The following LRMDA variants were observed in gnomAD, a reference collection of about 807,000 sequenced individuals.
LRMDA encodes the protein leucine-rich melanocyte differentiation-associated protein.
In LRMDA, 18 loss-of-function variants were observed where a neutral mutation model predicts 29.8. That is an observed-to-expected ratio of 0.60 (90% CI 0.42 to 0.90). The LOEUF (loss-of-function observed/expected upper bound fraction) is 0.90, where lower values mean the gene tolerates loss of function less well. Ranked by LOEUF, LRMDA falls within the 40% of genes least tolerant of loss-of-function variation. The pLI, the probability that LRMDA is intolerant of heterozygous loss-of-function variation, is 0.00. For synonymous variants in LRMDA, 125 were observed against 109.4 expected, an observed-to-expected ratio of 1.14 and a Z score of -0.89; for missense variants, 273 against 273.9, an observed-to-expected ratio of 1.00 and a Z score of 0.02.
Position 76,264,886 on chromosome 10 carries a change from C to T in LRMDA, c.517-59515C>T, listed in dbSNP as rs544947936. 2.6e-5 allele frequency among the ~76,000 whole-genome samples: 4 copies of T among 152,286 alleles called. No homozygotes were observed. In the South Asian group the frequency reaches 8.3e-4, roughly 32 times the overall value. ...GTAAATTAAATAAGCTTTCCTTAGC[C>T]TGAAACTGTCTGTGATAGTGCAACC... is the stretch of plus-strand genomic sequence containing the variant. On this transcript the variant is annotated intron_variant, in intron 5 of 6. Transcript: ENST00000611255.
At chr10:76,052,006 A>G (rs770747898) in intron 4 of LRMDA, among the ~76,000 whole-genome samples, 14 of 152,220 alleles carry the variant, frequency 9.2e-5, no homozygotes, top group African/African-American at 2.7e-4. Context: ...AACCAGTGCT[A>G]TTAAATGGAG....
chr10:76,223,032 C>T (rs868165350), intron 5 of LRMDA, among the ~76,000 whole-genome samples: 97 of 147,316 alleles, frequency 6.6e-4, no homozygotes, highest in South Asian at 1.3e-3. Flanking sequence ...AACCAAACAC[C>T]GCATATTCTC....
chr10:76,024,559 G>A (rs1253299547), intron 2 of LRMDA, among the ~76,000 whole-genome samples: 4 of 152,310 alleles, frequency 2.6e-5, no homozygotes, highest in Admixed American at 6.5e-5. Context: ...GACAGAAAAC[G>A]TGTTTTCACC....
chr10:76,307,396 G>A (rs1840570795), intron 5 of LRMDA, among the ~76,000 whole-genome samples: 1 of 152,208 alleles, frequency 6.6e-6, no homozygotes, highest in Non-Finnish European at 1.5e-5. Context: ...TGTCTGGGAT[G>A]CAGTGAGGGG....
intron 2 of LRMDA, among the ~76,000 whole-genome samples, chr10:75,972,217 T>C (rs1019285333): frequency 6.6e-6 from 1 of 152,100 alleles, no homozygotes; most frequent in African/African-American, 2.4e-5. Context: ...TCTGAATTCA[T>C]GAGCTGGTTT....
At chr10:75,479,380 G>T (rs2395288) in intron 2 of LRMDA, among the ~76,000 whole-genome samples, 1 of 151,944 alleles carries the variant, frequency 6.6e-6, no homozygotes, top group Non-Finnish European at 1.5e-5. Flanking sequence ...GGTCACAGGC[G>T]CCTGTAGTCC....
At chr10:76,010,285 T>C (rs1274394902) in intron 2 of LRMDA, among the ~76,000 whole-genome samples, 2 of 151,970 alleles carry the variant, frequency 1.3e-5, no homozygotes, top group African/African-American at 2.4e-5. Context: ...CATGATGGTG[T>C]TTAGGGTACT....
chr10:75,865,431 A>G (rs1301406563), intron 2 of LRMDA, among the ~76,000 whole-genome samples: 1 of 152,232 alleles, frequency 6.6e-6, no homozygotes, highest in Non-Finnish European at 1.5e-5. Context: ...ATATGAAAAA[A>G]TTAATCATGA....
intron 2 of LRMDA, among the ~76,000 whole-genome samples, chr10:75,840,597 G>A (rs757768410): frequency 1.3e-5 from 2 of 152,184 alleles, no homozygotes; most frequent in Non-Finnish European, 2.9e-5. Context: ...GAGCACGCAC[G>A]TGTGTTGTAT....
At chr10:75,999,284 A>G (rs1223713205) in intron 2 of LRMDA, among the ~76,000 whole-genome samples, 1 of 152,222 alleles carries the variant, frequency 6.6e-6, no homozygotes, top group Non-Finnish European at 1.5e-5. Flanking sequence ...TGGCAAGTCC[A>G]GAATTAGTAG....
intron 6 of LRMDA, among the ~76,000 whole-genome samples, chr10:76,335,633 G>A (rs1840957980): frequency 6.6e-6 from 1 of 152,158 alleles, no homozygotes; most frequent in Non-Finnish European, 1.5e-5. Context: ...GATATACATT[G>A]GTTTGGTCCA....
rs553828564 is a variant in LRMDA, at chr10:76,460,518, T to G, written c.602-96691T>G. 9.8e-5 allele frequency among the ~76,000 whole-genome samples: 15 copies of G among 152,358 alleles called. No homozygotes were observed. The East Asian group carries it at 2.9e-3, about 29-fold the overall frequency. On this transcript the variant is annotated intron_variant, in intron 6 of 6. Transcript: ENST00000611255. ...CTTTAATGCATGTGGTGGAGACAGA[T>G]GATCACATATCGTGAATGCCTCTGA...
intron 3 of LRMDA, among the ~76,000 whole-genome samples, chr10:76,040,735 C>A (rs1848326549): frequency 6.6e-6 from 1 of 152,190 alleles, no homozygotes; most frequent in Admixed American, 6.5e-5. Flanking sequence ...GTGTAGATAA[C>A]CTTTGCGCAA....
At chr10:75,530,684 T>C (rs1479538797) in intron 2 of LRMDA, among the ~76,000 whole-genome samples, 1 of 152,192 alleles carries the variant, frequency 6.6e-6, no homozygotes, top group African/African-American at 2.4e-5. Context: ...CACTAGGCCC[T>C]TGGTTTCAGG....
At chr10:75,640,785 AAAAC>A (rs1248710951) in intron 2 of LRMDA, among the ~76,000 whole-genome samples, 6 of 152,016 alleles carry the variant, frequency 3.9e-5, no homozygotes, top group African/African-American at 7.3e-5. Flanking sequence ...TTTTTTAAAC[AAAAC>A]AAAACAAAAC....
At chr10:75,815,290 C>A (rs1348534032) in intron 2 of LRMDA, among the ~76,000 whole-genome samples, 1 of 152,174 alleles carries the variant, frequency 6.6e-6, no homozygotes, top group African/African-American at 2.4e-5. Context: ...ACTTACTCAC[C>A]AGTATGTAGG....
intron 5 of LRMDA, among the ~76,000 whole-genome samples, chr10:76,097,053 C>G (rs577159450): frequency 6.6e-6 from 1 of 151,472 alleles, no homozygotes; most frequent in South Asian, 2.1e-4. Flanking sequence ...CTCTGTCGGC[C>G]AGGCTGGAGT....
intron 2 of LRMDA, 88 bp from the exon 3 acceptor site, chr10:76,035,920 A>C: frequency 6.6e-7 from 1 of 1,508,822 alleles, no homozygotes; most frequent in Non-Finnish European, 8.9e-7. Context: ...CCAGTCCTGA[A>C]AGGGAAGGTT....
In LRMDA at chr10:76,371,415, A is replaced by AT. The variant is rs1230292791; in HGVS notation, c.601+46939dup. Among the ~76,000 whole-genome samples, 11 of 151,148 alleles carry AT rather than the reference A, an allele frequency of 7.3e-5. No individual in the cohort carries two copies. In the South Asian group the frequency reaches 1.1e-3, roughly 15 times the overall value. On this transcript the variant is annotated intron_variant, in intron 6 of 6. Coordinates refer to ENST00000611255, the MANE Select transcript of LRMDA (RefSeq NM_001305581.2). ...TTCATTTTGGAGTCAAACACACTTT[A>AT]TTTTTTTTTCTCACAACTGCTTCTG...
Sources: gnomAD v4.1 joint callset for allele counts (sites outside exome capture counted in the v4.1 genomes callset) on GRCh38, gnomAD v4.1.1 for gene constraint, MANE v1.5 for transcripts, NCBI Gene and HGNC (gene_info 2026-07-23, HGNC 2026-07-21) for gene names.